USH2A: variants seen among roughly 807,000 people sequenced by gnomAD.
USH2A encodes the protein usherin, also known as Usher syndrome 2A (autosomal recessive, mild).
A neutral mutation model predicts 538.9 loss-of-function variants in USH2A; 443 were observed. That is an observed-to-expected ratio of 0.82 (90% confidence interval 0.76 to 0.89). The LOEUF is 0.89. USH2A is among the 40% of genes least tolerant of loss of function. The probability of loss-of-function intolerance (pLI) is 0.00; values close to 1 mark genes in which losing one functional copy is unlikely to be tolerated. For missense variants in USH2A, 6,633 were observed against 6,324.8 expected, an observed-to-expected ratio of 1.05 and a Z score of -1.65; for synonymous variants, 2,413 against 2,273.5, an observed-to-expected ratio of 1.06 and a Z score of -1.75.
At position 216,232,270 on chromosome 1, in the gene USH2A, T is replaced by C. The variant is rs1295555231; in HGVS notation, c.2810-134A>G. 4 of 996,814 alleles carry C rather than the reference T, an allele frequency of 4.0e-6. No individual in the cohort carries two copies. In the East Asian group the frequency reaches 1.1e-4, roughly 26 times the overall value. 61.7% of individuals were successfully genotyped at this position (996,814 alleles called of 1,614,324 possible). ...TTCCCAATACAAATGTGGTTATATC[T>C]GTCCTTCAGTGTGTCAATTATGACC... On this transcript the variant is annotated intron_variant, in intron 13 of 71. Coordinates refer to ENST00000307340, the MANE Select transcript of USH2A (RefSeq NM_206933.4).
In USH2A at chr1:216,217,485, T is replaced by C; in HGVS notation, c.3059A>G (p.Gln1020Arg). 2 of 1,613,276 alleles carry C rather than the reference T, an allele frequency of 1.2e-6. No individual in the cohort carries two copies. The highest frequency in any genetic ancestry group is 1.3e-5 in the African/African-American group (1 of 75,000). ...AGTGACAAATTGTTTACAGAAACAC[T>C]GGCCTGTGACCAAGTGACAGGTTTC... is the stretch of plus-strand genomic sequence containing the variant. Reference protein sequence around the residue: ...LNETCHLVTGQCFCKQFVTGS... With the variant: ...LNETCHLVTGRCFCKQFVTGS... Residue 1020 changes from glutamine (Q) to arginine (R), a missense_variant, in exon 15 of 72, where the codon CAG becomes CGG. Gln to Arg is a conservative substitution (Grantham distance 43). Transcript: ENST00000307340.
At chr1:215,848,140 A>G (rs1663915628) in intron 44 of USH2A, among the ~76,000 whole-genome samples, 1 of 152,180 alleles carries the variant, frequency 6.6e-6, no homozygotes, top group Non-Finnish European at 1.5e-5. Context: ...CAAGTACAGC[A>G]AAGCCATGGG....
At chr1:215,866,744 AG>A (rs1355579767) in intron 44 of USH2A, among the ~76,000 whole-genome samples, 1 of 152,218 alleles carries the variant, frequency 6.6e-6, no homozygotes, top group East Asian at 1.9e-4. Flanking sequence ...ATGTCAAAGT[AG>A]GAGAGAGTTT....
At chr1:216,220,256 A>G (rs575469837) in intron 14 of USH2A, among the ~76,000 whole-genome samples, 1 of 151,980 alleles carries the variant, frequency 6.6e-6, no homozygotes, top group South Asian at 2.1e-4. Flanking sequence ...GCTCATGGGT[A>G]CTATCAAATT....
At chr1:216,000,821 C>T (rs958400224) in intron 32 of USH2A, among the ~76,000 whole-genome samples, 4 of 152,078 alleles carry the variant, frequency 2.6e-5, no homozygotes, top group Admixed American at 6.6e-5. Flanking sequence ...TTTTCTTGAA[C>T]GTCTGTGACC....
chr1:215,849,398 C>T (rs1280374588), intron 44 of USH2A, among the ~76,000 whole-genome samples: 1 of 152,058 alleles, frequency 6.6e-6, no homozygotes, highest in Non-Finnish European at 1.5e-5. Flanking sequence ...CCATGTAAAG[C>T]AATGGCAGAA....
chr1:216,060,719 G>T (rs2031149131), intron 30 of USH2A, among the ~76,000 whole-genome samples: 1 of 152,224 alleles, frequency 6.6e-6, no homozygotes, highest in Non-Finnish European at 1.5e-5. Context: ...GCCAGGTGCT[G>T]TAGTAATTAT....
At chr1:215,759,213 AT>A in intron 57 of USH2A, among the ~76,000 whole-genome samples, 1 of 152,280 alleles carries the variant, frequency 6.6e-6, no homozygotes, top group East Asian at 1.9e-4. Context: ...TGAGAAATGA[AT>A]GGGAATGAAA....
At chr1:215,985,058 G>A (rs752312896) in intron 35 of USH2A, among the ~76,000 whole-genome samples, 1 of 152,174 alleles carries the variant, frequency 6.6e-6, no homozygotes, top group African/African-American at 2.4e-5. Context: ...TAAAAGTTAC[G>A]CAAGGTTTGC....
At chr1:215,833,234 A>G (rs150877644) in intron 47 of USH2A, among the ~76,000 whole-genome samples, 52 of 152,074 alleles carry the variant, frequency 3.4e-4, no homozygotes, top group African/African-American at 1.2e-3. Flanking sequence ...CAAAGTAGTG[A>G]GAAAGGCCAA....
intron 61 of USH2A, among the ~76,000 whole-genome samples, chr1:215,695,386 G>GAT (rs1315692482): frequency 1.3e-5 from 2 of 151,976 alleles, no homozygotes; most frequent in African/African-American, 4.8e-5. Context: ...TGAAGCATGA[G>GAT]ATATGATTAT....
At chr1:216,050,413 T>C (rs2030708083) in intron 30 of USH2A, among the ~76,000 whole-genome samples, 1 of 151,924 alleles carries the variant, frequency 6.6e-6, no homozygotes. Flanking sequence ...AAAGGGTTAG[T>C]ATTAAGACTG....
chr1:215,783,074 C>G, intron 52 of USH2A, 139 bp from the exon 53 acceptor site: 1 of 702,292 alleles, frequency 1.4e-6, no homozygotes. Flanking sequence ...AAATAAAACT[C>G]TAATATCTTT....
intron 26 of USH2A, among the ~76,000 whole-genome samples, chr1:216,081,854 C>T (rs1330669851): frequency 1.3e-5 from 2 of 151,920 alleles, no homozygotes; most frequent in African/African-American, 4.8e-5. Flanking sequence ...TCCCAGGCCT[C>T]TAAAAGTGCT....
chr1:216,057,449 A>T (rs144338236), intron 30 of USH2A, among the ~76,000 whole-genome samples: 5,834 of 152,236 alleles, frequency 0.038, 396 homozygotes, highest in African/African-American at 0.13. Context: ...TGAGGTCAGG[A>T]GTTTGAGATC....
chr1:216,383,319 T>C (rs948021322), intron 3 of USH2A, among the ~76,000 whole-genome samples: 3 of 152,200 alleles, frequency 2.0e-5, no homozygotes, highest in African/African-American at 4.8e-5. Flanking sequence ...CCATGTTCCT[T>C]TTCAGAATAG....
intron 11 of USH2A, among the ~76,000 whole-genome samples, chr1:216,277,986 TG>T (rs2036702776): frequency 1.3e-5 from 2 of 152,162 alleles, no homozygotes; most frequent in African/African-American, 4.8e-5. Flanking sequence ...ACTAGATATT[TG>T]GGGGTTTGTT....
chr1:216,096,513 A>G (rs2102572171), intron 22 of USH2A, among the ~76,000 whole-genome samples: 1 of 152,312 alleles, frequency 6.6e-6, no homozygotes, highest in South Asian at 2.1e-4. Flanking sequence ...AACTCAGAAA[A>G]CAATTTATTT....
chr1:216,209,771 C>T (rs768494877), intron 15 of USH2A, among the ~76,000 whole-genome samples: 2 of 152,128 alleles, frequency 1.3e-5, no homozygotes, highest in African/African-American at 2.4e-5. Context: ...TCCAAGGGTC[C>T]TGAAGCAGCT....
Sources: allele counts gnomAD v4.1 joint callset (sites outside exome capture counted in the v4.1 genomes callset), GRCh38; gene constraint gnomAD v4.1.1; transcripts MANE v1.5; gene names NCBI Gene and HGNC (gene_info 2026-07-23, HGNC 2026-07-21).